The following CFAP95 variants were observed in gnomAD, a reference collection of about 807,000 sequenced individuals.
CFAP95 encodes cilia and flagella associated protein 95.
chr9:69,823,764 A>T, the CFAP95 span, among the ~76,000 whole-genome samples: 1 of 152,122 alleles, frequency 6.6e-6, no homozygotes. Context: ...TAGGATTTGG[A>T]TAGATAAAGG....
At chr9:69,828,349 A>G in the CFAP95 span, among the ~76,000 whole-genome samples, 76 of 152,336 alleles carry the variant, frequency 5.0e-4, 1 homozygote, top group East Asian at 0.013. Flanking sequence ...AGTATAAAAA[A>G]ACAGCATGTA....
the CFAP95 span, among the ~76,000 whole-genome samples, chr9:69,853,412 C>G: frequency 1.5e-3 from 227 of 152,302 alleles, no homozygotes; most frequent in Admixed American, 0.012. Context: ...TGAGCTTCCT[C>G]TATCCATTAG....
chr9:69,829,825 G>A, the CFAP95 span, among the ~76,000 whole-genome samples: 3 of 152,164 alleles, frequency 2.0e-5, no homozygotes, highest in African/African-American at 4.8e-5. Flanking sequence ...TGTGGCACTA[G>A]AACTAGTATT....
chr9:69,895,369 C>CTGTGTGTGTGTGTGTG, the CFAP95 span, among the ~76,000 whole-genome samples: 35 of 107,910 alleles, frequency 3.2e-4, no homozygotes, highest in South Asian at 1.2e-3. Context: ...CTCTCTCTCT[C>CTGTGTGTGTGTGTGTG]TGTGTGTGTG....
chr9:69,860,490 A>C, the CFAP95 span, among the ~76,000 whole-genome samples: 1 of 152,074 alleles, frequency 6.6e-6, no homozygotes, highest in South Asian at 2.1e-4. Flanking sequence ...TGGGGATCAC[A>C]TTTCAGTATG....
At chr9:69,841,341 G>A in the CFAP95 span, among the ~76,000 whole-genome samples, 1 of 151,556 alleles carries the variant, frequency 6.6e-6, no homozygotes, top group Non-Finnish European at 1.5e-5. Context: ...TGCTGCTGTA[G>A]GGATGTACTC....
chr9:69,840,278 G>T, the CFAP95 span, among the ~76,000 whole-genome samples: 1 of 152,162 alleles, frequency 6.6e-6, no homozygotes, highest in South Asian at 2.1e-4. Context: ...GGAGAATGAG[G>T]CTATATGAAA....
At chr9:69,875,934 TTA>T in the CFAP95 span, among the ~76,000 whole-genome samples, 1 of 152,202 alleles carries the variant, frequency 6.6e-6, no homozygotes, top group African/African-American at 2.4e-5. Context: ...GTAACTGTCA[TTA>T]TACACATCTC....
the CFAP95 span, among the ~76,000 whole-genome samples, chr9:69,879,772 A>G: frequency 1.3e-5 from 2 of 152,196 alleles, no homozygotes; most frequent in Non-Finnish European, 2.9e-5. Flanking sequence ...AGTCAGAATT[A>G]GGACAATTGG....
chr9:69,891,706 A>G, the CFAP95 span, among the ~76,000 whole-genome samples: 1 of 152,098 alleles, frequency 6.6e-6, no homozygotes, highest in Non-Finnish European at 1.5e-5. Flanking sequence ...TATATTTCTC[A>G]TTTTCATTTT....
chr9:69,850,068 G>T, the CFAP95 span, among the ~76,000 whole-genome samples: 2 of 152,102 alleles, frequency 1.3e-5, no homozygotes. Context: ...TACCTTCCTA[G>T]CATGTGAGGC....
the CFAP95 span, among the ~76,000 whole-genome samples, chr9:69,843,394 TCTC>T: frequency 7.4e-5 from 11 of 149,344 alleles, no homozygotes; most frequent in Non-Finnish European, 1.5e-4. Flanking sequence ...GCCAGCCACT[TCTC>T]CTACTTTTTC....
chr9:69,881,616 C>G, the CFAP95 span, among the ~76,000 whole-genome samples: 157 of 152,200 alleles, frequency 1.0e-3, 1 homozygote, highest in East Asian at 0.023. Flanking sequence ...CAGTTTTGTT[C>G]TTTTGGCTCA....
the CFAP95 span, among the ~76,000 whole-genome samples, chr9:69,829,079 T>A: frequency 6.6e-6 from 1 of 152,172 alleles, no homozygotes; most frequent in Admixed American, 6.5e-5. Flanking sequence ...TTCACATTCA[T>A]TTGGTTTAAC....
chr9:69,868,283 G>C, the CFAP95 span, among the ~76,000 whole-genome samples: 3 of 146,010 alleles, frequency 2.1e-5, no homozygotes, highest in Non-Finnish European at 4.5e-5. Context: ...TGATTTTTTT[G>C]GACAGACATC....
chr9:69,868,260 C>T, the CFAP95 span, among the ~76,000 whole-genome samples: 1 of 116,436 alleles, frequency 8.6e-6, no homozygotes, highest in South Asian at 3.1e-4. Context: ...TGACATTGGT[C>T]TTGGAAATGA....
chr9:69,842,825 G>C, the CFAP95 span, among the ~76,000 whole-genome samples: 3 of 152,306 alleles, frequency 2.0e-5, no homozygotes, highest in East Asian at 3.9e-4. Context: ...GCTCAGATGT[G>C]AGGAGAGAAG....
At chr9:69,905,172 A>G in the CFAP95 span, among the ~76,000 whole-genome samples, 11 of 152,192 alleles carry the variant, frequency 7.2e-5, no homozygotes, top group Admixed American at 2.0e-4. Flanking sequence ...ATTTTCAATT[A>G]TTTTTGACAA....
the CFAP95 span, among the ~76,000 whole-genome samples, chr9:69,822,030 C>T: frequency 6.6e-6 from 1 of 152,140 alleles, no homozygotes; most frequent in Non-Finnish European, 1.5e-5. Context: ...TATTAAATAT[C>T]ACAGTGACCA....
Sources: gnomAD v4.1 joint callset for allele counts (sites outside exome capture counted in the v4.1 genomes callset) on GRCh38, gnomAD v4.1.1 for gene constraint, MANE v1.5 for transcripts, NCBI Gene and HGNC (gene_info 2026-07-23, HGNC 2026-07-21) for gene names.